Variants in NCKAP5 observed in about 807,000 individuals in gnomAD.
NCKAP5 encodes the protein nck-associated protein 5.
A neutral mutation model predicts 167.0 loss-of-function variants in NCKAP5; 92 were observed. The ratio of observed to expected loss-of-function variants is 0.55; its 90% confidence interval spans 0.47 to 0.66. The LOEUF is 0.66. NCKAP5 is among the 30% of genes least tolerant of loss of function. The pLI is 0.00. For synonymous variants in NCKAP5, 891 were observed against 877.4 expected, an observed-to-expected ratio of 1.02 and a Z score of -0.27; for missense variants, 2,378 against 2,315.0, an observed-to-expected ratio of 1.03 and a Z score of -0.56.
chr2:133,090,116 C>T (rs1410262788), intron 6 of NCKAP5, among the ~76,000 whole-genome samples: 3 of 151,722 alleles, frequency 2.0e-5, no homozygotes, highest in Non-Finnish European at 4.4e-5. Context: ...CCTGTAATCC[C>T]AACACTTTCG....
At chr2:133,196,273 G>A (rs1301541556) in intron 5 of NCKAP5, among the ~76,000 whole-genome samples, 3 of 152,086 alleles carry the variant, frequency 2.0e-5, no homozygotes, top group African/African-American at 2.4e-5. Context: ...TAAGAGCAGG[G>A]AACAGGAACC....
intron 3 of NCKAP5, among the ~76,000 whole-genome samples, chr2:133,452,260 G>A (rs967579624): frequency 6.6e-6 from 1 of 152,098 alleles, no homozygotes; most frequent in African/African-American, 2.4e-5. Flanking sequence ...CAAAGACAAG[G>A]GAGAATTTGA....
intron 11 of NCKAP5, among the ~76,000 whole-genome samples, chr2:132,806,490 T>C (rs1412725294): frequency 6.6e-6 from 1 of 152,280 alleles, no homozygotes; most frequent in African/African-American, 2.4e-5. Context: ...TATTGCATTG[T>C]GGTTTTGATT....
At chr2:132,979,010 T>C (rs2077055127) in intron 7 of NCKAP5, among the ~76,000 whole-genome samples, 1 of 152,148 alleles carries the variant, frequency 6.6e-6, no homozygotes, top group Middle Eastern at 3.2e-3. Context: ...CGTAAGGCTT[T>C]GAACTTGTGG....
chr2:133,294,951 A>T (rs1679857525), intron 4 of NCKAP5, among the ~76,000 whole-genome samples: 2 of 152,120 alleles, frequency 1.3e-5, no homozygotes, highest in African/African-American at 4.8e-5. Context: ...CCCCCTGGTG[A>T]TGTAGGAAAC....
chr2:133,003,247 C>T (rs904164033), intron 6 of NCKAP5, among the ~76,000 whole-genome samples: 2 of 152,150 alleles, frequency 1.3e-5, no homozygotes, highest in Non-Finnish European at 2.9e-5. Flanking sequence ...TGCATTGCCT[C>T]CCATATAATT....
intron 11 of NCKAP5, among the ~76,000 whole-genome samples, chr2:132,834,254 T>G (rs748958943): frequency 1.8e-4 from 28 of 152,180 alleles, no homozygotes; most frequent in Non-Finnish European, 3.7e-4. Context: ...TGAAGTGCAG[T>G]GGTGTAATCA....
At chr2:132,718,167 G>C (rs1050513928) in intron 19 of NCKAP5, among the ~76,000 whole-genome samples, 2 of 152,260 alleles carry the variant, frequency 1.3e-5, no homozygotes, top group South Asian at 4.2e-4. Context: ...CTACTCCTTA[G>C]TGTCTAGCAG....
chr2:132,869,509 T>A (rs1366994399), intron 9 of NCKAP5, among the ~76,000 whole-genome samples: 2 of 152,210 alleles, frequency 1.3e-5, no homozygotes, highest in African/African-American at 4.8e-5. Context: ...GCTCTTGTTG[T>A]TGCTACCTGT....
intron 3 of NCKAP5, among the ~76,000 whole-genome samples, chr2:133,422,116 C>A (rs1689517029): frequency 6.6e-6 from 1 of 152,182 alleles, no homozygotes; most frequent in Non-Finnish European, 1.5e-5. Context: ...TCCAGGCTGG[C>A]TGGGGAGGTA....
At chr2:133,535,143 A>G (rs569353006) in intron 2 of NCKAP5, among the ~76,000 whole-genome samples, 1 of 152,288 alleles carries the variant, frequency 6.6e-6, no homozygotes, top group East Asian at 1.9e-4. Flanking sequence ...TTAAAGGGTT[A>G]TGTAAAACTA....
chr2:132,952,956 G>C (rs748752503), intron 8 of NCKAP5, among the ~76,000 whole-genome samples: 1 of 152,154 alleles, frequency 6.6e-6, no homozygotes, highest in Non-Finnish European at 1.5e-5. Context: ...AAAGTGAAGG[G>C]GCTATTAGTT....
intron 6 of NCKAP5, among the ~76,000 whole-genome samples, chr2:133,126,231 A>G (rs2082399938): frequency 6.6e-6 from 1 of 152,198 alleles, no homozygotes; most frequent in Non-Finnish European, 1.5e-5. Context: ...TTGTTACTGA[A>G]GCTGAGACTG....
intron 12 of NCKAP5, among the ~76,000 whole-genome samples, chr2:132,793,751 C>T (rs988084191): frequency 2.6e-5 from 4 of 152,064 alleles, no homozygotes; most frequent in African/African-American, 4.8e-5. Context: ...TGTAGGTGTA[C>T]GTGTAGCGGT....
chr2:132,815,513 G>T (rs1574310582), intron 11 of NCKAP5, among the ~76,000 whole-genome samples: 2 of 152,130 alleles, frequency 1.3e-5, no homozygotes, highest in South Asian at 2.1e-4. Flanking sequence ...ATAATTCCAG[G>T]GGTTTAAAAA....
intron 6 of NCKAP5, chr2:133,122,296 C>G (rs2082275194): frequency 6.6e-6 from 1 of 152,146 alleles, no homozygotes; most frequent in African/African-American, 2.4e-5. Context: ...AAACATTATT[C>G]TGTATCTCAC....
intron 3 of NCKAP5, among the ~76,000 whole-genome samples, chr2:133,312,975 A>T (rs1253428853): frequency 2.0e-5 from 3 of 152,236 alleles, no homozygotes; most frequent in African/African-American, 7.2e-5. Flanking sequence ...CACCATTTCA[A>T]TTTAGAAAAC....
chr2:133,674,014 T>A, the NCKAP5 span, among the ~76,000 whole-genome samples: 4 of 152,138 alleles, frequency 2.6e-5, no homozygotes, highest in Admixed American at 2.6e-4. Flanking sequence ...GGTGTCTGAG[T>A]ATGATCCAAG....
At chr2:133,244,390 C>T (rs1249428982) in intron 4 of NCKAP5, among the ~76,000 whole-genome samples, 5 of 152,060 alleles carry the variant, frequency 3.3e-5, no homozygotes, top group Non-Finnish European at 7.4e-5. Flanking sequence ...TTCAGTGTGA[C>T]TTTTCTCTTT....
Sources: gnomAD v4.1 joint callset for allele counts (sites outside exome capture counted in the v4.1 genomes callset) on GRCh38, gnomAD v4.1.1 for gene constraint, MANE v1.5 for transcripts, NCBI Gene and HGNC (gene_info 2026-07-23, HGNC 2026-07-21) for gene names.